SUPT3H: variants seen among roughly 807,000 people sequenced by gnomAD.
The protein encoded by SUPT3H is SPT3 homolog, SAGA and STAGA complex component, also known as transcription initiation protein SPT3 homolog.
A neutral mutation model predicts 44.3 loss-of-function variants in SUPT3H; 44 were observed. The observed-to-expected ratio is 0.99, with a 90% CI of 0.78 to 1.28. SUPT3H has a LOEUF of 1.28. SUPT3H is among the 50% of genes most tolerant of loss of function. SUPT3H has a pLI of 0.00. For synonymous variants in SUPT3H, 124 were observed against 125.6 expected, an observed-to-expected ratio of 0.99 and a Z score of 0.09; for missense variants, 380 against 387.1, an observed-to-expected ratio of 0.98 and a Z score of 0.15.
rs574357288 is a variant in SUPT3H at position 45,289,952 on chromosome 6, G to A, written c.101+75249C>T. ...GTCACCTAGCATGTTGGAGGCTGAC[G>A]CAGGAGGACTGCTTGAGCCCAGGAG... On this transcript the variant is annotated intron_variant, in intron 2 of 10. Coordinates refer to ENST00000371459, the MANE Select transcript of SUPT3H (RefSeq NM_003599.4). Among the ~76,000 whole-genome samples the A allele has an allele frequency of 1.4e-4, 22 of 152,296 alleles. No homozygotes were observed. The South Asian group carries it at 3.9e-3, about 27-fold the overall frequency.
At chr6:44,981,080 T>C (rs1456999222) in intron 6 of SUPT3H, among the ~76,000 whole-genome samples, 1 of 152,180 alleles carries the variant, frequency 6.6e-6, no homozygotes, top group Non-Finnish European at 1.5e-5. Context: ...GCTGGTGGGA[T>C]GGATCACTGC....
At chr6:45,181,751 G>A (rs892875423) in intron 2 of SUPT3H, among the ~76,000 whole-genome samples, 3 of 151,372 alleles carry the variant, frequency 2.0e-5, no homozygotes, top group South Asian at 2.1e-4. Context: ...AGCACTGGGA[G>A]ATATACCTAA....
chr6:45,077,751 T>C lies in SUPT3H; in HGVS notation c.186+28171A>G, dbSNP rs150897011. Reference sequence around the variant, plus strand: ...TCACATTATCAGTAGAAAAACTCAATAAACACAAAAGTAAAGAAAGATAGA... The same window carrying C: ...TCACATTATCAGTAGAAAAACTCAACAAACACAAAAGTAAAGAAAGATAGA... On this transcript the variant is annotated intron_variant, in intron 3 of 10. Transcript: ENST00000371459. Among the ~76,000 whole-genome samples the C allele has an allele frequency of 6.6e-3, 977 of 148,050 alleles. 12 individuals carry two copies. The highest frequency in any genetic ancestry group is 9.1e-3 in the Non-Finnish European group (614 of 67,430).
intron 10 of SUPT3H, among the ~76,000 whole-genome samples, chr6:44,926,659 C>T (rs1769564236): frequency 6.6e-6 from 1 of 152,080 alleles, no homozygotes; most frequent in Admixed American, 6.6e-5. Context: ...CTATCACTCA[C>T]TAGCTGTATG....
At chr6:44,901,574 A>G (rs1765063961) in intron 10 of SUPT3H, among the ~76,000 whole-genome samples, 1 of 152,034 alleles carries the variant, frequency 6.6e-6, no homozygotes, top group African/African-American at 2.4e-5. Context: ...GACAGGGAGA[A>G]TGGAACCAAG....
intron 3 of SUPT3H, among the ~76,000 whole-genome samples, chr6:45,034,857 A>G (rs1003179884): frequency 6.6e-6 from 1 of 152,178 alleles, no homozygotes; most frequent in Non-Finnish European, 1.5e-5. Flanking sequence ...TAAGTGACAA[A>G]AATGGGATTT....
intron 10 of SUPT3H, among the ~76,000 whole-genome samples, chr6:44,831,886 G>GCAAA (rs1768828403): frequency 6.6e-6 from 1 of 152,158 alleles, no homozygotes; most frequent in African/African-American, 2.4e-5. Flanking sequence ...TCACTGCTTT[G>GCAAA]CAAACAAAAG....
intron 2 of SUPT3H, among the ~76,000 whole-genome samples, chr6:45,134,980 C>T (rs888429527): frequency 4.8e-4 from 73 of 152,208 alleles, no homozygotes; most frequent in Non-Finnish European, 1.8e-4. Flanking sequence ...GGTTAAGGAT[C>T]ACCTTGGCCC....
At chr6:45,240,172 A>T (rs1041780453) in intron 2 of SUPT3H, among the ~76,000 whole-genome samples, 2 of 152,192 alleles carry the variant, frequency 1.3e-5, no homozygotes, top group Non-Finnish European at 2.9e-5. Context: ...GCCAAAGAAG[A>T]CATTCTAGCA....
intron 10 of SUPT3H, among the ~76,000 whole-genome samples, chr6:44,879,138 C>T (rs1028990982): frequency 6.6e-6 from 1 of 152,166 alleles, no homozygotes; most frequent in East Asian, 1.9e-4. Flanking sequence ...CTCAGCAAAT[C>T]CCACCCCCAT....
intron 2 of SUPT3H, among the ~76,000 whole-genome samples, chr6:45,173,961 G>A (rs1811254758): frequency 6.6e-6 from 1 of 152,166 alleles, no homozygotes; most frequent in African/African-American, 2.4e-5. Flanking sequence ...TTGTGCCCCT[G>A]CTGCCCAAAG....
intron 2 of SUPT3H, among the ~76,000 whole-genome samples, chr6:45,234,820 TCTG>T (rs1457124109): frequency 6.6e-6 from 1 of 152,192 alleles, no homozygotes; most frequent in Non-Finnish European, 1.5e-5. Flanking sequence ...TCTGGAGATC[TCTG>T]CTGATCAGAA....
chr6:44,842,614 T>G (rs3799969), intron 10 of SUPT3H, among the ~76,000 whole-genome samples: 23,853 of 151,658 alleles, frequency 0.16, 2,242 homozygotes, highest in Admixed American at 0.28. Context: ...ATATACCTAT[T>G]TTTTTTTAAA....
chr6:45,336,613 T>C (rs1373468525), intron 2 of SUPT3H, among the ~76,000 whole-genome samples: 4 of 151,468 alleles, frequency 2.6e-5, no homozygotes, highest in Admixed American at 1.3e-4. Context: ...ACTCTATATA[T>C]GTACAATAAA....
rs73738608 is a variant in SUPT3H, at chr6:45,131,890, G to T, written c.102-25884C>A. ...GCCCCCCTTCATTCATGGGAAATAC[G>T]TTTTGAGATCCCCCACACTCCATGG... On this transcript the variant is annotated intron_variant, in intron 2 of 10. Transcript: ENST00000371459. Among the ~76,000 whole-genome samples the T allele has an allele frequency of 9.8e-3, 1,492 of 152,174 alleles. 34 individuals carry two copies. The highest frequency in any genetic ancestry group is 0.034 in the African/African-American group (1,407 of 41,530).
At chr6:45,166,424 T>C (rs947070859) in intron 2 of SUPT3H, among the ~76,000 whole-genome samples, 1 of 151,504 alleles carries the variant, frequency 6.6e-6, no homozygotes, top group Non-Finnish European at 1.5e-5. Context: ...CCGTCTCTAC[T>C]AAAAAATACA....
At chr6:45,134,938 C>A (rs1314616182) in intron 2 of SUPT3H, among the ~76,000 whole-genome samples, 2 of 152,168 alleles carry the variant, frequency 1.3e-5, no homozygotes, top group African/African-American at 4.8e-5. Flanking sequence ...TTTCTGGGAC[C>A]TCCAGGGTGT....
chr6:45,060,465 C>T (rs1791812391), intron 3 of SUPT3H, among the ~76,000 whole-genome samples: 1 of 151,982 alleles, frequency 6.6e-6, no homozygotes, highest in African/African-American at 2.4e-5. Context: ...GGATTAAAAA[C>T]TTAACTGTAA....
At chr6:45,317,808 G>A (rs937127110) in intron 2 of SUPT3H, among the ~76,000 whole-genome samples, 17 of 152,090 alleles carry the variant, frequency 1.1e-4, no homozygotes, top group African/African-American at 3.6e-4. Context: ...GACCCCAAAA[G>A]AACTGGCAAC....
Sources: allele counts gnomAD v4.1 joint callset (sites outside exome capture counted in the v4.1 genomes callset), GRCh38; gene constraint gnomAD v4.1.1; transcripts MANE v1.5; gene names NCBI Gene and HGNC (gene_info 2026-07-23, HGNC 2026-07-21).